FOXP1: variants seen among roughly 807,000 people sequenced by gnomAD.
FOXP1 encodes the protein forkhead box protein P1.
FOXP1 carries 15 observed loss-of-function variants against 98.2 expected under a neutral mutation model. That is an observed-to-expected ratio of 0.15 (90% CI 0.10 to 0.24). The LOEUF (loss-of-function observed/expected upper bound fraction) is 0.24, where lower values mean the gene tolerates loss of function less well. Among genes scored for constraint, FOXP1 ranks in the 10% least tolerant of loss-of-function variants. The probability of loss-of-function intolerance (pLI) is 1.00; values close to 1 mark genes in which losing one functional copy is unlikely to be tolerated. For synonymous variants in FOXP1, 371 were observed against 314.5 expected (o/e 1.18, Z -1.90); for missense variants, 633 against 848.5 (o/e 0.75, Z 3.15).
At chr3:71,374,123 C>T (rs915354926) in intron 3 of FOXP1, among the ~76,000 whole-genome samples, 3 of 152,102 alleles carry the variant, frequency 2.0e-5, no homozygotes, top group Admixed American at 6.5e-5. Context: ...AATTAAAAAA[C>T]GTATGGAATG....
intron 6 of FOXP1, among the ~76,000 whole-genome samples, chr3:71,128,003 A>G (rs2059332110): frequency 1.3e-5 from 2 of 152,326 alleles, no homozygotes; most frequent in African/African-American, 4.8e-5. Context: ...CCTCTGCTGC[A>G]CCGTTCCCTT....
At chr3:71,535,595 G>A (rs939851605) in intron 2 of FOXP1, among the ~76,000 whole-genome samples, 3 of 152,178 alleles carry the variant, frequency 2.0e-5, no homozygotes, top group Non-Finnish European at 4.4e-5. Flanking sequence ...GGACGTGGTG[G>A]CGTGCACCTG....
In FOXP1 at chr3:70,956,747, TTTTTTTTTTTTTTTTTTTTTTTTTTTA is replaced by T; in HGVS notation, c.*2473_*2499del. ...GCCTGGAAAAGTTTTTTTTTTTTTTTTTTTTTTTTTTTTTTTTTTTTTTTTTAAAGTCTTGCGTGACCACAGACTGCC... is the reference window on the plus strand; with the variant it reads ...GCCTGGAAAAGTTTTTTTTTTTTTTTAAGTCTTGCGTGACCACAGACTGCC... On this transcript the variant is annotated 3_prime_UTR_variant, in exon 21 of 21. Transcript: ENST00000649528. 5.7e-6 allele frequency: 1 copy of T among 175,412 alleles called. No individual in the cohort carries two copies. The allele number at this position is 175,412 out of a possible 1,614,324, so 10.9% of individuals were successfully genotyped here. A position where few individuals can be genotyped will look rare whatever the true frequency, so the allele number is the denominator to read the frequency against.
intron 2 of FOXP1, among the ~76,000 whole-genome samples, chr3:71,519,902 G>C (rs947188290): frequency 2.6e-5 from 4 of 152,240 alleles, no homozygotes; most frequent in African/African-American, 7.2e-5. Flanking sequence ...CCTGCTGAAT[G>C]CAGTCCCTCC....
intron 5 of FOXP1, among the ~76,000 whole-genome samples, chr3:71,207,517 A>G (rs907213560): frequency 2.6e-5 from 4 of 152,194 alleles, no homozygotes; most frequent in Admixed American, 2.0e-4. Flanking sequence ...AAACTCCAAT[A>G]TACATATATG....
chr3:71,456,762 A>T (rs1370059407), intron 3 of FOXP1, among the ~76,000 whole-genome samples: 4 of 152,018 alleles, frequency 2.6e-5, no homozygotes, highest in Admixed American at 2.6e-4. Flanking sequence ...TGGTAATTCT[A>T]CTATCAAAAG....
chr3:71,398,941 C>T (rs1434026874), intron 3 of FOXP1, among the ~76,000 whole-genome samples: 6 of 152,186 alleles, frequency 3.9e-5, no homozygotes, highest in Non-Finnish European at 5.9e-5. Flanking sequence ...TTCTTGGGCA[C>T]AGCAGGCAGT....
At chr3:71,096,017 G>C (rs1011292372) in intron 7 of FOXP1, among the ~76,000 whole-genome samples, 2 of 152,148 alleles carry the variant, frequency 1.3e-5, no homozygotes, top group African/African-American at 2.4e-5. Flanking sequence ...TCTTGTATTA[G>C]GATATTCAGC....
intron 2 of FOXP1, among the ~76,000 whole-genome samples, chr3:71,560,074 CCT>C (rs1257812949): frequency 9.2e-5 from 14 of 152,120 alleles, no homozygotes; most frequent in Admixed American, 7.9e-4. Flanking sequence ...GCAGCCACCC[CCT>C]GACAACACTG....
chr3:71,379,658 A>C (rs2108039949), intron 3 of FOXP1, among the ~76,000 whole-genome samples: 1 of 152,350 alleles, frequency 6.6e-6, no homozygotes, highest in African/African-American at 2.4e-5. Context: ...TAAAAAAATT[A>C]TATGAAAATC....
chr3:71,549,164 C>G (rs1341586951), intron 2 of FOXP1, among the ~76,000 whole-genome samples: 1 of 152,148 alleles, frequency 6.6e-6, no homozygotes, highest in Non-Finnish European at 1.5e-5. Flanking sequence ...TGCACTGACT[C>G]TATATATGAT....
intron 6 of FOXP1, among the ~76,000 whole-genome samples, chr3:71,149,795 C>A (rs1399179934): frequency 6.6e-6 from 1 of 152,120 alleles, no homozygotes; most frequent in African/African-American, 2.4e-5. Context: ...TCATTCTTCT[C>A]TTTCATTCTC....
At chr3:71,244,623 G>A (rs2106951349) in intron 5 of FOXP1, among the ~76,000 whole-genome samples, 1 of 152,150 alleles carries the variant, frequency 6.6e-6, no homozygotes, top group Middle Eastern at 3.4e-3. Context: ...GATCGGGGGT[G>A]TTTTCAGCAG....
chr3:71,153,907 AT>A (rs1252871168), intron 6 of FOXP1, among the ~76,000 whole-genome samples: 2 of 152,192 alleles, frequency 1.3e-5, no homozygotes. Flanking sequence ...AATAACATTT[AT>A]TGGGCCCCTA....
chr3:71,204,833 G>C (rs770777130), intron 5 of FOXP1, among the ~76,000 whole-genome samples: 2 of 152,154 alleles, frequency 1.3e-5, no homozygotes, highest in Non-Finnish European at 2.9e-5. Flanking sequence ...TTTCTCACCT[G>C]AGATAACTTC....
intron 13 of FOXP1, among the ~76,000 whole-genome samples, chr3:70,993,066 G>GGA (rs2040851542): frequency 6.6e-6 from 1 of 152,184 alleles, no homozygotes; most frequent in South Asian, 2.1e-4. Context: ...CTAAAGTCTA[G>GGA]GAGGCTGGTG....
chr3:71,053,447 G>GCTC (rs2050182805), intron 8 of FOXP1, among the ~76,000 whole-genome samples, 189 bp downstream of exon 8: 3 of 152,100 alleles, frequency 2.0e-5, no homozygotes, highest in Admixed American at 1.3e-4. Flanking sequence ...CCATGGCAGG[G>GCTC]CTCCTCTCTT....
chr3:70,967,185 C>A (rs1300899291), intron 19 of FOXP1, among the ~76,000 whole-genome samples: 5 of 152,192 alleles, frequency 3.3e-5, no homozygotes, highest in African/African-American at 1.2e-4. Context: ...GCCAGTCATA[C>A]AAGAGTCCGA....
intron 5 of FOXP1, among the ~76,000 whole-genome samples, chr3:71,257,750 G>A (rs2068757851): frequency 6.6e-6 from 1 of 152,140 alleles, no homozygotes; most frequent in African/African-American, 2.4e-5. Context: ...TCATTATAAT[G>A]TATTTCTCAG....
Sources: allele counts gnomAD v4.1 joint callset (sites outside exome capture counted in the v4.1 genomes callset), GRCh38; gene constraint gnomAD v4.1.1; transcripts MANE v1.5; gene names NCBI Gene and HGNC (gene_info 2026-07-23, HGNC 2026-07-21).